Variants in LRRC37A3 observed in about 807,000 individuals in gnomAD.
LRRC37A3 encodes leucine-rich repeat-containing protein 37A3.
In LRRC37A3, 25 loss-of-function variants were observed where a neutral mutation model predicts 106.2. That is an observed-to-expected ratio of 0.24 (90% CI 0.17 to 0.33). The LOEUF is 0.33. Among genes scored for constraint, LRRC37A3 ranks in the 10% least tolerant of loss-of-function variants. LRRC37A3 has a pLI of 1.00. For missense variants in LRRC37A3, 712 were observed against 1,644.9 expected (o/e 0.43, Z 9.81); for synonymous variants, 305 against 635.8 (o/e 0.48, Z 7.83).
At chr17:64,862,162 A>G (rs1356579943) in intron 11 of LRRC37A3, among the ~76,000 whole-genome samples, 1 of 152,180 alleles carries the variant, frequency 6.6e-6, no homozygotes, top group African/African-American at 2.4e-5. Flanking sequence ...GTAACCAAGC[A>G]TTATTAATTA....
intron 8 of LRRC37A3, among the ~76,000 whole-genome samples, chr17:64,880,602 A>G (rs1973667119): frequency 6.6e-6 from 1 of 152,236 alleles, no homozygotes; most frequent in South Asian, 2.1e-4. Flanking sequence ...TTCAGCCTCA[A>G]AGACTGTCTC....
chr17:64,893,859 A>G (rs1475108839), intron 4 of LRRC37A3, among the ~76,000 whole-genome samples: 3 of 148,122 alleles, frequency 2.0e-5, no homozygotes, highest in Non-Finnish European at 4.4e-5. Context: ...TCACCATGTT[A>G]GCCAGGATGG....
rs1972806578 is a variant in LRRC37A3 at position 64,859,789 on chromosome 17, C to T, written c.4357G>A (p.Asp1453Asn). The change falls in exon 12 of 15, where the codon GAC (aspartate) becomes AAC (asparagine). Residue 1453 changes from aspartate (D) to asparagine (N), a missense_variant. Coordinates refer to ENST00000584306, the MANE Select transcript of LRRC37A3 (RefSeq NM_199340.5). ...TKWEYNNVGT[D>N]LSPEPKSFNY... ...AAGCTTTTGGGCTCGGGGGACAGGTCAGTGCCCACGTTGTTGTATTCCCAT... is the reference window on the plus strand; with the variant it reads ...AAGCTTTTGGGCTCGGGGGACAGGTTAGTGCCCACGTTGTTGTATTCCCAT... The T allele has an allele frequency of 6.2e-7, 1 of 1,612,178 alleles. No individual in the cohort carries two copies. The highest frequency in any genetic ancestry group is 1.7e-5 in the Admixed American group (1 of 59,968).
chr17:64,906,763 C>G (rs1974468885), intron 2 of LRRC37A3, among the ~76,000 whole-genome samples: 1 of 145,124 alleles, frequency 6.9e-6, no homozygotes, highest in Admixed American at 6.8e-5. Context: ...ACGGAGTCTC[C>G]CTCTGTCGCC....
At chr17:64,877,351 G>A (rs576373152) in intron 8 of LRRC37A3, among the ~76,000 whole-genome samples, 1 of 152,230 alleles carries the variant, frequency 6.6e-6, no homozygotes, top group East Asian at 1.9e-4. Context: ...ATAGGCGCCT[G>A]CCACCACGCC....
chr17:64,881,849 G>C (rs1401714023), intron 8 of LRRC37A3, among the ~76,000 whole-genome samples: 2 of 148,560 alleles, frequency 1.3e-5, no homozygotes, highest in Non-Finnish European at 3.0e-5. Flanking sequence ...ATAAACCCTG[G>C]GGATGCCCAG....
chr17:64,875,607 G>A (rs890810754), intron 8 of LRRC37A3, among the ~76,000 whole-genome samples: 3 of 152,116 alleles, frequency 2.0e-5, no homozygotes, highest in Admixed American at 6.5e-5. Flanking sequence ...TGGCAAACAT[G>A]GTGAAACCCT....
intron 13 of LRRC37A3, among the ~76,000 whole-genome samples, chr17:64,858,091 T>A (rs1598388654): frequency 1.3e-5 from 2 of 152,244 alleles, no homozygotes; most frequent in South Asian, 4.2e-4. Context: ...TTTAGGTAAG[T>A]TGATGCAAGC....
At chr17:64,881,780 T>C (rs1172927833) in intron 8 of LRRC37A3, among the ~76,000 whole-genome samples, 1 of 151,030 alleles carries the variant, frequency 6.6e-6, no homozygotes, top group Non-Finnish European at 1.5e-5. Flanking sequence ...TGCCTAGCAA[T>C]GCGCTGGACA....
intron 8 of LRRC37A3, among the ~76,000 whole-genome samples, chr17:64,874,741 T>C (rs1294756379): frequency 6.6e-6 from 1 of 152,250 alleles, no homozygotes; most frequent in Admixed American, 6.5e-5. Context: ...CTCCATTTTG[T>C]TCTGTACTAA....
At chr17:64,857,359 C>T (rs1455281809) in intron 13 of LRRC37A3, among the ~76,000 whole-genome samples, 1 of 152,206 alleles carries the variant, frequency 6.6e-6, no homozygotes, top group Non-Finnish European at 1.5e-5. Flanking sequence ...AACACTAAAG[C>T]TCTTCTGAAA....
chr17:64,916,942 C>CAA (rs904117316), intron 2 of LRRC37A3, among the ~76,000 whole-genome samples: 19 of 104,038 alleles, frequency 1.8e-4, no homozygotes, highest in Non-Finnish European at 2.3e-4. Context: ...TTAAGGTGGC[C>CAA]AAAAAAAAAA....
At chr17:64,916,826 G>T (rs1974713047) in intron 2 of LRRC37A3, among the ~76,000 whole-genome samples, 1 of 149,388 alleles carries the variant, frequency 6.7e-6, no homozygotes, top group Non-Finnish European at 1.5e-5. Context: ...CATAAACAAT[G>T]ATATACAGAT....
At chr17:64,863,075 A>G in intron 10 of LRRC37A3, 57 bp from the exon 11 acceptor site, 1 of 1,589,670 alleles carries the variant, frequency 6.3e-7, no homozygotes, top group Non-Finnish European at 8.5e-7. Flanking sequence ...TTGAGTAGGT[A>G]AAGGAGGCAG....
At chr17:64,914,255 T>C (rs1481790306) in intron 2 of LRRC37A3, among the ~76,000 whole-genome samples, 1 of 151,976 alleles carries the variant, frequency 6.6e-6, no homozygotes, top group African/African-American at 2.4e-5. Context: ...TTCTAAGATA[T>C]GTTTTTAAAA....
Position 64,860,680 on chromosome 17 carries a change from T to A in LRRC37A3, c.3466A>T (p.Thr1156Ser). 1 of 1,614,008 alleles carries A rather than the reference T, an allele frequency of 6.2e-7. No homozygotes were observed. The highest frequency in any genetic ancestry group is 8.5e-7 in the Non-Finnish European group (1 of 1,179,872). Reference protein sequence around the residue: ...TTGNSLAKIQTVGKNRQRLNR... With the variant: ...TTGNSLAKIQSVGKNRQRLNR... The stretch of plus-strand genomic sequence containing the variant: ...AGTCTCTGCCGGTTTTTGCCTACAG[T>A]TTGAATCTTTGCCAGGCTGTTTCCT... Residue 1156 changes from threonine (T) to serine (S), a missense_variant, in exon 12 of 15, where the codon ACT (threonine) becomes TCT (serine). Thr to Ser is a moderately conservative substitution (Grantham distance 58). Coordinates refer to ENST00000584306, the MANE Select transcript of LRRC37A3 (RefSeq NM_199340.5).
chr17:64,858,791 G>A lies in LRRC37A3; in HGVS notation c.4797C>T (p.Leu1599=), dbSNP rs761646599. Residue 1599 remains leucine (L), a synonymous_variant, in exon 13 of 15, where the codon CTC becomes CTT. Transcript: ENST00000584306. ...TGILTILIIL[L]CLIEICCHRR... ...TTATTGTCCTTACCTCAATGAGGCA[G>A]AGAAGTATAATCAAAATCGTTAGTA... 6.2e-6 allele frequency: 10 copies of A among 1,609,796 alleles called. No individual in the cohort carries two copies. The Admixed American group carries it at 1.5e-4, about 24-fold the overall frequency.
At chr17:64,858,954 G>A in intron 12 of LRRC37A3, 71 bp from the exon 13 acceptor site, 1 of 1,084,760 alleles carries the variant, frequency 9.2e-7, no homozygotes, top group Non-Finnish European at 1.4e-6. Context: ...TAGCTTACAG[G>A]TTCTTTTTTA....
intron 8 of LRRC37A3, among the ~76,000 whole-genome samples, chr17:64,874,680 C>G (rs1455375909): frequency 1.3e-5 from 2 of 152,150 alleles, no homozygotes; most frequent in Admixed American, 6.5e-5. Flanking sequence ...GGAAAAGATA[C>G]AGAAATCAGA....
Sources: allele counts gnomAD v4.1 joint callset (sites outside exome capture counted in the v4.1 genomes callset), GRCh38; gene constraint gnomAD v4.1.1; transcripts MANE v1.5; gene names NCBI Gene and HGNC (gene_info 2026-07-23, HGNC 2026-07-21).